GALNT13: variants seen among roughly 807,000 people sequenced by gnomAD.
GALNT13 encodes the protein UDP-GalNAc:polypeptide N-acetylgalactosaminyltransferase 13.
GALNT13 carries 28 observed loss-of-function variants against 64.2 expected under a neutral mutation model. The ratio of observed to expected loss-of-function variants is 0.44; its 90% CI spans 0.32 to 0.60. The LOEUF (loss-of-function observed/expected upper bound fraction) is 0.60, where lower values mean the gene tolerates loss of function less well. Among genes scored for constraint, GALNT13 ranks in the 20% least tolerant of loss-of-function variants. The pLI is 0.05. For synonymous variants in GALNT13, 214 were observed against 224.6 expected (o/e 0.95, Z 0.42); for missense variants, 577 against 669.8 (o/e 0.86, Z 1.53).
intron 3 of GALNT13, among the ~76,000 whole-genome samples, chr2:154,010,367 G>A (rs554337178): frequency 6.6e-6 from 1 of 152,094 alleles, no homozygotes; most frequent in Non-Finnish European, 1.5e-5. Flanking sequence ...TTTTGTTTTA[G>A]TTTTGTTTAT....
the GALNT13 span, among the ~76,000 whole-genome samples, chr2:153,089,186 A>G: frequency 6.6e-6 from 1 of 152,094 alleles, no homozygotes; most frequent in Admixed American, 6.6e-5. Context: ...GAATTCTCTC[A>G]GCATTTGTTT....
At chr2:154,418,657 T>C (rs1700129212) in intron 11 of GALNT13, among the ~76,000 whole-genome samples, 1 of 152,186 alleles carries the variant, frequency 6.6e-6, no homozygotes, top group East Asian at 1.9e-4. Context: ...CCTCCTGAAA[T>C]GTGAGAGAAT....
At chr2:154,113,671 T>C (rs892785396) in intron 3 of GALNT13, among the ~76,000 whole-genome samples, 2 of 152,230 alleles carry the variant, frequency 1.3e-5, no homozygotes, top group Admixed American at 1.3e-4. Context: ...TTGCTGCTTC[T>C]TGCTCACTGG....
At position 154,259,077 on chromosome 2, in the gene GALNT13, T is replaced by C. The variant is rs1690546460; in HGVS notation, c.914T>C (p.Ile305Thr). ...FSIDRNYFEE[I>T]GTYDAGMDIW... ...ATTGACAGAAACTACTTTGAAGAGA[T>C]AGGAACTTACGATGCAGGAATGGAT... Residue 305 changes from isoleucine to threonine, a missense_variant, in exon 8 of 13, where the codon ATA (isoleucine) becomes ACA (threonine). This residue lies in a region of GALNT13 where 341 missense variants were observed against 379.3 expected (regional missense o/e 0.90). Transcript: ENST00000392825. 25 of 1,610,564 alleles carry C rather than the reference T, an allele frequency of 1.6e-5. No individual in the cohort carries two copies. The highest frequency in any genetic ancestry group is 2.0e-5 in the Non-Finnish European group (24 of 1,177,996).
At chr2:153,623,546 A>G in the GALNT13 span, among the ~76,000 whole-genome samples, 13 of 152,214 alleles carry the variant, frequency 8.5e-5, no homozygotes, top group East Asian at 2.1e-3. Context: ...AAACCCAAGC[A>G]AGTTCCCTCC....
At chr2:153,871,180 G>A (rs192058940), upstream of GALNT13, among the ~76,000 whole-genome samples, 1 of 152,300 alleles carries the variant, frequency 6.6e-6, no homozygotes, top group Admixed American at 6.5e-5. Flanking sequence ...GTACTTCGGA[G>A]TGGGTGTGTG....
chr2:153,727,915 G>A, the GALNT13 span, among the ~76,000 whole-genome samples: 122 of 152,074 alleles, frequency 8.0e-4, no homozygotes, highest in African/African-American at 2.9e-3. Flanking sequence ...CCACTGACAG[G>A]TCCCTGGTGT....
the GALNT13 span, among the ~76,000 whole-genome samples, chr2:153,105,943 G>A: frequency 6.6e-6 from 1 of 152,056 alleles, no homozygotes; most frequent in East Asian, 1.9e-4. Context: ...ATTTTTGAAT[G>A]TTTTCTTTAT....
At chr2:153,291,934 A>G in the GALNT13 span, among the ~76,000 whole-genome samples, 4 of 152,100 alleles carry the variant, frequency 2.6e-5, no homozygotes, top group African/African-American at 7.2e-5. Context: ...CCAGTTCACT[A>G]TGAATAGTAG....
chr2:153,864,744 T>C, the GALNT13 span, among the ~76,000 whole-genome samples: 1 of 150,542 alleles, frequency 6.6e-6, no homozygotes, highest in Non-Finnish European at 1.5e-5. Context: ...CCAAGGTAAT[T>C]TACAGATTCA....
At chr2:154,234,741 A>G (rs1338591830) in intron 4 of GALNT13, among the ~76,000 whole-genome samples, 1 of 152,172 alleles carries the variant, frequency 6.6e-6, no homozygotes, top group Admixed American at 6.6e-5. Context: ...AATTCATACA[A>G]TATGACTCCT....
At chr2:154,003,401 T>C (rs1696042709) in intron 3 of GALNT13, among the ~76,000 whole-genome samples, 1 of 152,196 alleles carries the variant, frequency 6.6e-6, no homozygotes, top group Non-Finnish European at 1.5e-5. Flanking sequence ...GTTTACCAGC[T>C]GTGGCTTCTG....
At chr2:154,283,738 TACAC>T (rs761251941) in intron 8 of GALNT13, among the ~76,000 whole-genome samples, 42 of 152,060 alleles carry the variant, frequency 2.8e-4, no homozygotes, top group Admixed American at 1.8e-3. Context: ...CACAAGCACA[TACAC>T]ACAGCCTCAC....
At chr2:153,529,869 C>A in the GALNT13 span, among the ~76,000 whole-genome samples, 1 of 151,974 alleles carries the variant, frequency 6.6e-6, no homozygotes, top group East Asian at 1.9e-4. Context: ...CATGATAAAA[C>A]CCTTCAAACT....
chr2:154,421,097 T>C (rs1574274812), intron 11 of GALNT13, among the ~76,000 whole-genome samples: 1 of 152,130 alleles, frequency 6.6e-6, no homozygotes, highest in African/African-American at 2.4e-5. Context: ...AAGAAATTCA[T>C]GTTCAAATAG....
chr2:153,227,757 G>A, the GALNT13 span, among the ~76,000 whole-genome samples: 1 of 152,168 alleles, frequency 6.6e-6, no homozygotes, highest in African/African-American at 2.4e-5. Context: ...TTGGCTTTGT[G>A]AGGATATCAG....
At chr2:154,072,694 T>C (rs148770898) in intron 3 of GALNT13, among the ~76,000 whole-genome samples, 67 of 152,164 alleles carry the variant, frequency 4.4e-4, no homozygotes, top group Middle Eastern at 6.8e-3. Context: ...TACCTATCTG[T>C]CTACTCCTTA....
the GALNT13 span, among the ~76,000 whole-genome samples, chr2:153,182,659 A>G: frequency 6.6e-6 from 1 of 152,208 alleles, no homozygotes; most frequent in African/African-American, 2.4e-5. Context: ...CCATCTGTCC[A>G]TGGTCCCACT....
intron 4 of GALNT13, among the ~76,000 whole-genome samples, chr2:154,228,010 G>A (rs900452127): frequency 3.9e-5 from 6 of 152,040 alleles, no homozygotes; most frequent in Admixed American, 3.3e-4. Flanking sequence ...AGAAAACATA[G>A]CAGTCCTACG....
Sources: allele counts gnomAD v4.1 joint callset (sites outside exome capture counted in the v4.1 genomes callset), GRCh38; gene constraint gnomAD v4.1.1; regional missense constraint gnomAD v4.1.1; transcripts MANE v1.5; gene names NCBI Gene and HGNC (gene_info 2026-07-23, HGNC 2026-07-21).